MYO9B: variants seen among roughly 807,000 people sequenced by gnomAD.
The protein encoded by MYO9B is myosin IXB, also known as unconventional myosin-IXb.
In MYO9B, 71 loss-of-function variants were observed where a neutral mutation model predicts 229.5. That is an observed-to-expected ratio of 0.31 (90% CI 0.26 to 0.38). The LOEUF (loss-of-function observed/expected upper bound fraction) is 0.38. Ranked by LOEUF, MYO9B falls within the 10% of genes least tolerant of loss-of-function variation. MYO9B has a pLI of 1.00. For synonymous variants in MYO9B, 1,185 were observed against 1,235.8 expected (o/e 0.96, Z 0.86); for missense variants, 2,255 against 2,920.5 (o/e 0.77, Z 5.25).
chr19:17,166,559 T>C (rs2072662043), intron 10 of MYO9B, among the ~76,000 whole-genome samples: 1 of 152,114 alleles, frequency 6.6e-6, no homozygotes, highest in Non-Finnish European at 1.5e-5. Flanking sequence ...ATAGGTAAAC[T>C]TGTGTCATGG....
In MYO9B at chr19:17,159,599, C is replaced by T. The variant is rs1490718599; in HGVS notation, c.1419+115C>T. On this transcript the variant is annotated intron_variant, in intron 8 of 39. Coordinates refer to ENST00000682292, the MANE Select transcript of MYO9B (RefSeq NM_004145.4). ...CTGTCCCTGAATGCTAGAATGGAACCTAGGCAGTGCCTCTGATTGTCATGC... is the reference window on the plus strand; with the variant it reads ...CTGTCCCTGAATGCTAGAATGGAACTTAGGCAGTGCCTCTGATTGTCATGC... 3 of 919,854 alleles carry T rather than the reference C, an allele frequency of 3.3e-6. No individual in the cohort carries two copies. In the Admixed American group the frequency reaches 6.5e-5, roughly 20 times the overall value. The allele number at this position is 919,854 out of a possible 1,614,324, so 57.0% of individuals were successfully genotyped here.
Position 17,181,044 on chromosome 19 carries a change from A to C in MYO9B, c.2333+4A>C. 1.3e-6 allele frequency: 2 copies of C among 1,597,170 alleles called. No homozygotes were observed. Among genetic ancestry groups the C allele is most frequent in the Non-Finnish European group, 1.7e-6 (2 of 1,168,236 alleles). On this transcript the variant is annotated splice_donor_region_variant and intron_variant, in intron 15 of 39. Transcript: ENST00000682292. Reference sequence around the variant, plus strand: ...AGAAACCCCGCGCCTTCATCCTGTGAGTCCCCCACCAAGGCCCTGCTTACA... The same window carrying C: ...AGAAACCCCGCGCCTTCATCCTGTGCGTCCCCCACCAAGGCCCTGCTTACA...
chr19:17,184,047 TC>T, intron 16 of MYO9B, 179 bp downstream of exon 16: 1 of 651,262 alleles, frequency 1.5e-6, no homozygotes, highest in Non-Finnish European at 2.6e-6. Flanking sequence ...TTTATGGGTT[TC>T]CCAGAAGCAG....
intron 30 of MYO9B, among the ~76,000 whole-genome samples, chr19:17,204,437 T>C (rs2073138825): frequency 6.6e-6 from 1 of 151,048 alleles, no homozygotes; most frequent in South Asian, 2.1e-4. Flanking sequence ...CTGCTCATGG[T>C]TCCGCTAGCC....
chr19:17,177,912 C>T (rs1166112861), intron 14 of MYO9B: 1 of 152,606 alleles, frequency 6.6e-6, no homozygotes, highest in Non-Finnish European at 1.5e-5. Flanking sequence ...GCCTTTGATC[C>T]CGAGGCCAGC....
At chr19:17,088,970 G>T (rs750837490) in intron 1 of MYO9B, among the ~76,000 whole-genome samples, 1 of 152,090 alleles carries the variant, frequency 6.6e-6, no homozygotes, top group Non-Finnish European at 1.5e-5. Flanking sequence ...AAGCCACCAC[G>T]CCTGGCCATA....
chr19:17,195,352 G>C lies in MYO9B; in HGVS notation c.3925G>C (p.Ala1309Pro), dbSNP rs542310624. ...RYLDAERLAS[A>P]VELWRGKKLV... ...CCTGGACGCCGAGCGGCTGGCCAGC[G>C]CCGTGGAACTGTGGCGGGGCAAGAA... The change falls in exon 22 of 40, where the codon GCC (alanine) becomes CCC (proline). Residue 1309 changes from alanine to proline, a missense_variant. This residue lies in a region of MYO9B where 679 missense variants were observed against 770.2 expected (regional missense o/e 0.88). Coordinates refer to ENST00000682292, the MANE Select transcript of MYO9B (RefSeq NM_004145.4). The surrounding 1 kb of genome is among the most constrained non-coding windows in gnomAD (Gnocchi z 4.5). The C allele has an allele frequency of 2.5e-6, 4 of 1,612,066 alleles. No homozygotes were observed. The Admixed American group carries it at 6.7e-5, about 27-fold the overall frequency.
At position 17,095,285 on chromosome 19, in the gene MYO9B, C is replaced by T. The variant is rs914873003; in HGVS notation, c.-58-6375C>T. On this transcript the variant is annotated intron_variant, in intron 1 of 39. Transcript: ENST00000682292. ...TCAGTGCATTCACCGTGTTGTGCAA[C>T]GACCAGCTCTATCTGATTCCAGAAC... is the stretch of plus-strand genomic sequence containing the variant. 2.0e-5 allele frequency: 3 copies of T among 152,158 alleles called. No homozygotes were observed. In the East Asian group the frequency reaches 5.8e-4, roughly 29 times the overall value. The allele number at this position is 152,158 out of a possible 1,614,324, so 9.4% of individuals were successfully genotyped here. A position where few individuals can be genotyped will look rare whatever the true frequency, so the allele number is the denominator to read the frequency against.
In MYO9B at chr19:17,185,984, C is replaced by T. The variant is rs1261872111; in HGVS notation, c.2560C>T (p.Arg854Cys). ...GGAGCCCTTCTTTATCCGCTGCATC[C>T]GTTCCAATGCTGAAAAGGTGAGTTT... is the stretch of plus-strand genomic sequence containing the variant. ...KAEPFFIRCI[R>C]SNAEKKELCF... The change falls in exon 18 of 40, where the codon CGT (arginine) becomes TGT (cysteine). Residue 854 changes from arginine to cysteine, a missense_variant. Transcript: ENST00000682292. 1.9e-6 allele frequency: 3 copies of T among 1,613,650 alleles called. No individual in the cohort carries two copies. The highest frequency in any genetic ancestry group is 1.1e-5 in the South Asian group (1 of 91,068).
chr19:17,189,373 C>T (rs2072955214), intron 19 of MYO9B, among the ~76,000 whole-genome samples: 2 of 152,062 alleles, frequency 1.3e-5, no homozygotes, highest in Admixed American at 1.3e-4. Flanking sequence ...TGTGGTGGCT[C>T]ATGCCTGTAA....
chr19:17,107,791 G>A (rs74253204), intron 2 of MYO9B, among the ~76,000 whole-genome samples: 9,835 of 152,218 alleles, frequency 0.065, 342 homozygotes, highest in South Asian at 0.11. Context: ...TGGGATGTAG[G>A]GCCCATCCTA....
At chr19:17,179,037 A>AAAC (rs1264286418) in intron 14 of MYO9B, among the ~76,000 whole-genome samples, 28 of 151,532 alleles carry the variant, frequency 1.8e-4, no homozygotes, top group African/African-American at 6.3e-4. Flanking sequence ...TAAAAAAAAA[A>AAAC]AAAAAAAAAA....
intron 1 of MYO9B, among the ~76,000 whole-genome samples, chr19:17,087,410 GGT>G (rs1384167315): frequency 6.6e-6 from 1 of 152,166 alleles, no homozygotes; most frequent in African/African-American, 2.4e-5. Flanking sequence ...ACTCCCCATG[GGT>G]GAGCGTGGAA....
At chr19:17,106,080 G>A (rs923881923) in intron 2 of MYO9B, among the ~76,000 whole-genome samples, 2 of 146,210 alleles carry the variant, frequency 1.4e-5, no homozygotes, top group African/African-American at 2.5e-5. Flanking sequence ...ATAACTCACC[G>A]CAGCCTCGAG....
At chr19:17,185,128 C>G (rs1421778295) in intron 17 of MYO9B, 141 bp downstream of exon 17, 19 of 1,256,994 alleles carry the variant, frequency 1.5e-5, no homozygotes, top group Middle Eastern at 4.5e-4. Context: ...GTAATCCCAG[C>G]ACTTTGGGAG....
chr19:17,202,984 C>T (rs543860533), intron 29 of MYO9B, 101 bp downstream of exon 29: 20 of 1,438,210 alleles, frequency 1.4e-5, no homozygotes, highest in Admixed American at 6.0e-5. Context: ...CGTCTGCACG[C>T]GTATGTGTGC....
intron 2 of MYO9B, among the ~76,000 whole-genome samples, chr19:17,132,178 C>CTTTTTTTTTTTTTT (rs60927116): frequency 4.1e-4 from 32 of 78,418 alleles, no homozygotes; most frequent in Admixed American, 5.4e-4. Context: ...TATTTTATTT[C>CTTTTTTTTTTTTTT]TTTTTTTTTT....
intron 16 of MYO9B, 74 bp downstream of exon 16, chr19:17,183,942 C>G: frequency 7.3e-7 from 1 of 1,371,284 alleles, no homozygotes; most frequent in Non-Finnish European, 9.9e-7. Flanking sequence ...AGAGCTTTCA[C>G]TTCTGCAACT....
intron 3 of MYO9B, 164 bp from the exon 4 acceptor site, chr19:17,152,480 T>G: frequency 1.8e-6 from 1 of 550,014 alleles, no homozygotes; most frequent in South Asian, 2.1e-5. Flanking sequence ...AGAGAATCGC[T>G]TGAACCCAGG....
Sources: gnomAD v4.1 joint callset for allele counts (sites outside exome capture counted in the v4.1 genomes callset) on GRCh38, gnomAD v4.1.1 for gene constraint, gnomAD v4.1.1 regional missense constraint, Gnocchi (gnomAD v3.1) non-coding constraint, MANE v1.5 for transcripts, NCBI Gene and HGNC (gene_info 2026-07-23, HGNC 2026-07-21) for gene names.